Variants in GLRA2 observed in about 807,000 individuals in gnomAD.
The protein encoded by GLRA2 is glycine receptor alpha 2.
Under a neutral mutation model 31.6 loss-of-function variants are expected in GLRA2, and 11 were observed. The ratio of observed to expected loss-of-function variants is 0.35; its 90% CI spans 0.22 to 0.58. The LOEUF is 0.58. GLRA2 is among the 20% of genes least tolerant of loss of function. GLRA2 has a pLI of 0.84. For missense variants in GLRA2, 212 were observed against 351.8 expected (o/e 0.60, Z 3.18); for synonymous variants, 132 against 134.0 (o/e 0.99, Z 0.10).
At chrX:14,552,531 C>T (rs1336220563) in intron 2 of GLRA2, among the ~76,000 whole-genome samples, 3 of 112,701 alleles carry the variant, frequency 2.7e-5, no homozygotes, top group South Asian at 7.3e-4. Context: ...CAAATCTAGG[C>T]AGTCTGGTGC....
At position 14,662,249 on chromosome X, in the gene GLRA2, A is replaced by AACACAC. The variant is rs746131304; in HGVS notation, c.931-28448_931-28443dup. On this transcript the variant is annotated intron_variant, in intron 7 of 8. Coordinates refer to ENST00000218075, the MANE Select transcript of GLRA2 (RefSeq NM_002063.4). ...CTTTGCAATTCATAAAGCAGAATAAAACACACACACACACACACTCTTACA... is the reference window on the plus strand; with the variant it reads ...CTTTGCAATTCATAAAGCAGAATAAAACACACACACACACACACACACACTCTTACA... 1.0e-4 allele frequency among the ~76,000 whole-genome samples: 11 copies of AACACAC among 109,667 alleles called. 1 individual carries two copies. Among genetic ancestry groups the AACACAC allele is most frequent in the African/African-American group, 2.6e-4 (8 of 30,229 alleles).
chrX:14,654,124 C>G (rs1233680630), intron 7 of GLRA2, among the ~76,000 whole-genome samples: 2 of 111,041 alleles, frequency 1.8e-5, no homozygotes, highest in Non-Finnish European at 3.8e-5. Context: ...GACCCTGTCT[C>G]TTAAAGAAAC....
the GLRA2 span, among the ~76,000 whole-genome samples, chrX:14,480,896 T>C: frequency 9.0e-6 from 1 of 111,572 alleles, no homozygotes. Flanking sequence ...AGAGTCGTTT[T>C]TTTCTAATTC....
chrX:14,485,825 A>G, the GLRA2 span, among the ~76,000 whole-genome samples: 1 of 111,232 alleles, frequency 9.0e-6, no homozygotes, highest in African/African-American at 3.3e-5. Context: ...TTAAAGACAT[A>G]AGTCAGATCA....
At chrX:14,629,961 A>G (rs1055074467) in intron 7 of GLRA2, among the ~76,000 whole-genome samples, 2 of 111,852 alleles carry the variant, frequency 1.8e-5, no homozygotes, top group African/African-American at 6.5e-5. Flanking sequence ...TTGTCTAAAC[A>G]GCCAATTATC....
intron 8 of GLRA2, among the ~76,000 whole-genome samples, chrX:14,724,626 C>CAAAAAAAAAAAAAA (rs758722703): frequency 1.3e-3 from 63 of 49,571 alleles, no homozygotes; most frequent in African/African-American, 3.4e-3. Context: ...AACTCTGTCT[C>CAAAAAAAAAAAAAA]AAAAAAAAAA....
chrX:14,528,933 A>C (rs1047086830), upstream of GLRA2, among the ~76,000 whole-genome samples: 2 of 111,864 alleles, frequency 1.8e-5, no homozygotes, highest in Admixed American at 1.9e-4. Context: ...CCTAGTACAG[A>C]GGTAGAGAGA....
the GLRA2 span, among the ~76,000 whole-genome samples, chrX:14,502,090 C>A: frequency 3.6e-5 from 4 of 111,931 alleles, no homozygotes; most frequent in African/African-American, 1.3e-4. Flanking sequence ...TTCTGAGGTA[C>A]TGGGGTTAGA....
chrX:14,696,186 G>A (rs1229559192), intron 8 of GLRA2, among the ~76,000 whole-genome samples: 3 of 101,577 alleles, frequency 3.0e-5, no homozygotes, highest in Non-Finnish European at 6.1e-5. Flanking sequence ...GAGGGAGAGT[G>A]GGAGGGAGGG....
chrX:14,639,281 A>G (rs1224074196), intron 7 of GLRA2, among the ~76,000 whole-genome samples: 1 of 111,487 alleles, frequency 9.0e-6, no homozygotes, highest in Non-Finnish European at 1.9e-5. Context: ...GAGAAATATG[A>G]CACTGTAGAC....
the GLRA2 span, among the ~76,000 whole-genome samples, chrX:14,462,331 T>G: frequency 9.0e-6 from 1 of 110,847 alleles, no homozygotes; most frequent in Non-Finnish European, 1.9e-5. Flanking sequence ...TGTCTTGGGG[T>G]TGCTCTTCTC....
chrX:14,471,676 C>G, the GLRA2 span, among the ~76,000 whole-genome samples: 2 of 112,152 alleles, frequency 1.8e-5, no homozygotes, highest in Non-Finnish European at 3.8e-5. Flanking sequence ...CCAATTTGCA[C>G]AGCGAATAAG....
intron 2 of GLRA2, among the ~76,000 whole-genome samples, chrX:14,559,105 G>A (rs1473551986): frequency 1.8e-5 from 2 of 111,692 alleles, no homozygotes; most frequent in South Asian, 3.7e-4. Flanking sequence ...GATTACAGGC[G>A]TGAGCCACCA....
At chrX:14,509,783 T>C in the GLRA2 span, among the ~76,000 whole-genome samples, 3 of 112,502 alleles carry the variant, frequency 2.7e-5, no homozygotes, top group African/African-American at 9.7e-5. Flanking sequence ...GAAGAATGAA[T>C]TTCTTTGTCA....
At chrX:14,581,149 T>C (rs1389372064) in intron 3 of GLRA2, 34 bp from the exon 4 acceptor site, 1 of 808,588 alleles carries the variant, frequency 1.2e-6, no homozygotes. Flanking sequence ...TGTGCCAGGG[T>C]AATCAGTAAC....
the GLRA2 span, among the ~76,000 whole-genome samples, chrX:14,449,900 C>T: frequency 8.9e-6 from 1 of 111,962 alleles, no homozygotes; most frequent in Non-Finnish European, 1.9e-5. Flanking sequence ...GTGGTATAGG[C>T]TCATGTGCTG....
chrX:14,490,994 C>T, the GLRA2 span, among the ~76,000 whole-genome samples: 1 of 111,681 alleles, frequency 9.0e-6, no homozygotes, highest in Non-Finnish European at 1.9e-5. Flanking sequence ...GTCTTTTCTC[C>T]AGTCTATCTC....
In GLRA2 at chrX:14,544,776, GGAT is replaced by G. The variant is rs1158573497; in HGVS notation, c.202+12408_202+12410del. Among the ~76,000 whole-genome samples the G allele has an allele frequency of 3.6e-5, 4 of 111,418 alleles. No homozygotes were observed. The East Asian group carries it at 1.1e-3, about 31-fold the overall frequency. Reference sequence around the variant, plus strand: ...AATATCACTAAATGTCTTGGGGAAAGGATGATTATATATAGATATTCTTAAATA... The same window carrying G: ...AATATCACTAAATGTCTTGGGGAAAGGATTATATATAGATATTCTTAAATA... On this transcript the variant is annotated intron_variant, in intron 2 of 8. Coordinates refer to ENST00000218075, the MANE Select transcript of GLRA2 (RefSeq NM_002063.4).
Position 14,634,452 on chromosome X carries a change from TC to T in GLRA2, c.930+25248del, listed in dbSNP as rs764474939. 5.4e-5 allele frequency among the ~76,000 whole-genome samples: 6 copies of T among 112,116 alleles called. No homozygotes were observed. In the South Asian group the frequency reaches 2.2e-3, roughly 42 times the overall value. ...TGGATAAACCAAGGCAGAAATAATG[TC>T]TTCCTCTTGTAGACCTGCGAAGCTC... is the stretch of plus-strand genomic sequence containing the variant. On this transcript the variant is annotated intron_variant, in intron 7 of 8. Transcript: ENST00000218075.
Sources: allele counts gnomAD v4.1 joint callset (sites outside exome capture counted in the v4.1 genomes callset), GRCh38; gene constraint gnomAD v4.1.1; transcripts MANE v1.5; gene names NCBI Gene and HGNC (gene_info 2026-07-23, HGNC 2026-07-21).